ATRNL1: variants seen among roughly 807,000 people sequenced by gnomAD.
ATRNL1 encodes attractin like 1.
ATRNL1 carries 95 observed loss-of-function variants against 182.7 expected under a neutral mutation model. The ratio of observed to expected loss-of-function variants is 0.52; its 90% CI spans 0.44 to 0.62. ATRNL1 has a LOEUF of 0.62. Among genes scored for constraint, ATRNL1 ranks in the 20% least tolerant of loss-of-function variants. The probability of loss-of-function intolerance (pLI) is 0.00; values close to 1 mark genes in which losing one functional copy is unlikely to be tolerated. For missense variants in ATRNL1, 1,471 were observed against 1,679.5 expected, an observed-to-expected ratio of 0.88 and a Z score of 2.17; for synonymous variants, 576 against 568.3, an observed-to-expected ratio of 1.01 and a Z score of -0.19.
At chr10:115,541,837 G>T (rs1852377649) in intron 25 of ATRNL1, among the ~76,000 whole-genome samples, 1 of 152,068 alleles carries the variant, frequency 6.6e-6, no homozygotes, top group Admixed American at 6.6e-5. Flanking sequence ...AGGAGAGAAT[G>T]AATTAAGTTC....
At chr10:115,189,169 T>A (rs1554889351) in intron 8 of ATRNL1, among the ~76,000 whole-genome samples, 1 of 152,076 alleles carries the variant, frequency 6.6e-6, no homozygotes. Flanking sequence ...ATTGCTCATG[T>A]GTTTGTGGTG....
At chr10:115,604,401 A>G (rs1856768508) in intron 26 of ATRNL1, among the ~76,000 whole-genome samples, 1 of 152,150 alleles carries the variant, frequency 6.6e-6, no homozygotes. Context: ...ATGATCAGCA[A>G]AGACTCCACT....
intron 13 of ATRNL1, among the ~76,000 whole-genome samples, chr10:115,271,423 T>C (rs1554913017): frequency 6.6e-6 from 1 of 151,972 alleles, no homozygotes; most frequent in Non-Finnish European, 1.5e-5. Context: ...CCTAATGCTA[T>C]CCCTCCCCTC....
chr10:115,609,715 G>A (rs1857057005), intron 26 of ATRNL1, among the ~76,000 whole-genome samples: 1 of 152,102 alleles, frequency 6.6e-6, no homozygotes, highest in East Asian at 1.9e-4. Context: ...GGAGGAAGCA[G>A]GGGATAAAAT....
intron 21 of ATRNL1, among the ~76,000 whole-genome samples, chr10:115,433,282 A>G (rs911488316): frequency 6.6e-6 from 1 of 152,140 alleles, no homozygotes; most frequent in Non-Finnish European, 1.5e-5. Context: ...AATGAAACCA[A>G]TTAATACTTG....
chr10:115,126,848 T>C (rs979628964), intron 3 of ATRNL1, among the ~76,000 whole-genome samples: 17 of 152,182 alleles, frequency 1.1e-4, no homozygotes, highest in African/African-American at 2.2e-4. Context: ...AACATATAAC[T>C]AAATGAAGAT....
chr10:115,468,701 T>C (rs1554971412), intron 23 of ATRNL1, among the ~76,000 whole-genome samples: 2 of 150,858 alleles, frequency 1.3e-5, no homozygotes, highest in Non-Finnish European at 3.0e-5. Context: ...TTTCCCATTT[T>C]TTAATTGGAT....
chr10:115,437,354 G>A (rs1846450471), intron 21 of ATRNL1, among the ~76,000 whole-genome samples: 1 of 151,938 alleles, frequency 6.6e-6, no homozygotes, highest in African/African-American at 2.4e-5. Flanking sequence ...AGAGAAAAAT[G>A]TTACATTTTG....
intron 26 of ATRNL1, among the ~76,000 whole-genome samples, chr10:115,644,437 C>G (rs1422983976): frequency 6.6e-6 from 1 of 152,116 alleles, no homozygotes; most frequent in Non-Finnish European, 1.5e-5. Context: ...CTCATTTTTA[C>G]AGAAGAGGAG....
chr10:115,866,552 G>C (rs1217374321), intron 28 of ATRNL1, among the ~76,000 whole-genome samples: 2 of 152,128 alleles, frequency 1.3e-5, no homozygotes, highest in East Asian at 3.9e-4. Context: ...CCAGTAGTTA[G>C]AGAGTTCATA....
At chr10:115,251,771 C>G (rs1293429058) in intron 10 of ATRNL1, among the ~76,000 whole-genome samples, 1 of 152,084 alleles carries the variant, frequency 6.6e-6, no homozygotes, top group Non-Finnish European at 1.5e-5. Flanking sequence ...TTTGACCTTA[C>G]TTAGCATGGG....
At chr10:115,656,565 A>C (rs2420099) in intron 26 of ATRNL1, among the ~76,000 whole-genome samples, 6 of 152,170 alleles carry the variant, frequency 3.9e-5, no homozygotes, top group Admixed American at 6.5e-5. Flanking sequence ...TTGCTGCCCC[A>C]AGGTGGATAG....
At chr10:115,594,994 A>G (rs1394476078) in intron 26 of ATRNL1, among the ~76,000 whole-genome samples, 2 of 152,196 alleles carry the variant, frequency 1.3e-5, no homozygotes, top group Admixed American at 1.3e-4. Context: ...AACAGTAAAC[A>G]AATCAGAAAT....
chr10:115,751,847 T>C (rs1243886056), intron 27 of ATRNL1, among the ~76,000 whole-genome samples: 2 of 152,034 alleles, frequency 1.3e-5, no homozygotes, highest in South Asian at 2.1e-4. Context: ...ATATATTTGC[T>C]TTTTTAACAA....
chr10:115,459,908 GA>G (rs1291509367), intron 21 of ATRNL1, among the ~76,000 whole-genome samples: 30 of 152,026 alleles, frequency 2.0e-4, no homozygotes, highest in Admixed American at 2.0e-3. Context: ...CAAGCCAGCC[GA>G]CGCTTAGGAA....
chr10:115,474,331 A>G (rs1413782646), intron 24 of ATRNL1, among the ~76,000 whole-genome samples: 1 of 151,346 alleles, frequency 6.6e-6, no homozygotes, highest in Non-Finnish European at 1.5e-5. Flanking sequence ...TATCCTTAGA[A>G]GTATTCTCTT....
intron 19 of ATRNL1, among the ~76,000 whole-genome samples, chr10:115,368,385 C>T (rs532333691): frequency 9.8e-5 from 15 of 152,318 alleles, no homozygotes; most frequent in East Asian, 5.8e-4. Context: ...CTTCGGCTCG[C>T]GCACGGTGCA....
At chr10:115,201,258 G>T (rs370704936) in intron 8 of ATRNL1, among the ~76,000 whole-genome samples, 1 of 151,796 alleles carries the variant, frequency 6.6e-6, no homozygotes, top group African/African-American at 2.4e-5. Context: ...GTCAATTTTG[G>T]CTTTTGTTGC....
intron 24 of ATRNL1, among the ~76,000 whole-genome samples, chr10:115,506,397 A>C (rs1554981304): frequency 1.3e-5 from 2 of 152,142 alleles, no homozygotes; most frequent in Non-Finnish European, 2.9e-5. Flanking sequence ...TGAATATTGT[A>C]ATGGTAAGGA....
Sources: allele counts gnomAD v4.1 joint callset (sites outside exome capture counted in the v4.1 genomes callset), GRCh38; gene constraint gnomAD v4.1.1; transcripts MANE v1.5; gene names NCBI Gene and HGNC (gene_info 2026-07-23, HGNC 2026-07-21).